LINGO1: variants seen among roughly 807,000 people sequenced by gnomAD.
LINGO1 encodes the protein leucine rich repeat and Ig domain containing 1, also known as leucine-rich repeat and immunoglobulin-like domain-containing nogo receptor-interacting protein 1.
Under a neutral mutation model 37.3 loss-of-function variants are expected in LINGO1, and 11 were observed. That is an observed-to-expected ratio of 0.29 (90% confidence interval 0.19 to 0.49). The LOEUF (loss-of-function observed/expected upper bound fraction) is 0.49. Among genes scored for constraint, LINGO1 ranks in the 20% least tolerant of loss-of-function variants. The pLI is 0.99. For missense variants in LINGO1, 585 were observed against 878.2 expected (o/e 0.67, Z 4.22); for synonymous variants, 387 against 403.0 (o/e 0.96, Z 0.48).
chr15:77,664,802 G>C (rs1286277990), intron 3 of LINGO1, among the ~76,000 whole-genome samples: 1 of 152,206 alleles, frequency 6.6e-6, no homozygotes, highest in Non-Finnish European at 1.5e-5. Context: ...AGCAAGTTCC[G>C]GAGCATCTGA....
In LINGO1 at chr15:77,614,704, A is replaced by T. The variant is rs555294379; in HGVS notation, c.1203T>A (p.Phe401Leu). 150 of 1,610,164 alleles carry T rather than the reference A, an allele frequency of 9.3e-5. 1 individual carries two copies. Among genetic ancestry groups the T allele is most frequent in the Middle Eastern group, 1.7e-4 (1 of 6,058 alleles). ...AGTCCTTGAACTCCTTGCCCTGGAC[A>T]AACTCGGGCGTGGCGCACGTGGGCT... The part of the protein sequence containing the change: ...RQQPTCATPE[F>L]VQGKEFKDFP... The change falls in exon 2 of 2, where the codon TTT becomes TTA. Residue 401 changes from phenylalanine to leucine, a missense_variant. Physicochemically the swap from Phe to Leu is conservative, Grantham distance 22 (BLOSUM62 0). Transcript: ENST00000355300.
chr15:77,663,298 G>A (rs1177284404), intron 3 of LINGO1, among the ~76,000 whole-genome samples: 1 of 151,980 alleles, frequency 6.6e-6, no homozygotes, highest in Non-Finnish European at 1.5e-5. Context: ...GGGTGGGGAG[G>A]CTTCCAGGAT....
chr15:77,809,868 T>C (rs2076989033), intron 1 of LINGO1, among the ~76,000 whole-genome samples: 1 of 152,026 alleles, frequency 6.6e-6, no homozygotes, highest in African/African-American at 2.4e-5. Flanking sequence ...CGAGGTGAGG[T>C]GGCTTCCTCT....
intron 2 of LINGO1, among the ~76,000 whole-genome samples, chr15:77,677,981 C>T (rs2075355930): frequency 6.6e-6 from 1 of 152,206 alleles, no homozygotes; most frequent in Non-Finnish European, 1.5e-5. Flanking sequence ...CCACCCTCAC[C>T]TCCCCTCCAG....
At position 77,664,170 on chromosome 15, in the gene LINGO1, T is replaced by TGTGCGCGCGCGC; in HGVS notation, c.-13+12918_-13+12919insGCGCGCGCGCAC. ...GTGTGTGTGTGTGTGTGTGTGTGTG[T>TGTGCGCGCGCGC]GCGCGCGCGCATGCGTTTGCATTCT... On this transcript the variant is annotated intron_variant, in intron 3 of 3. Coordinates refer to the LINGO1 transcript ENST00000559893. Among the ~76,000 whole-genome samples, 209 of 130,998 alleles carry TGTGCGCGCGCGC rather than the reference T, an allele frequency of 1.6e-3. 1 individual carries two copies. Among genetic ancestry groups the TGTGCGCGCGCGC allele is most frequent in the African/African-American group, 7.4e-3 (203 of 27,284 alleles). 85.9% of individuals were successfully genotyped at this position (130,998 alleles called of 152,430 possible). A position where few individuals can be genotyped will look rare whatever the true frequency, so the allele number is the denominator to read the frequency against.
chr15:77,662,803 GCA>G (rs901752148), intron 3 of LINGO1, among the ~76,000 whole-genome samples: 4 of 152,182 alleles, frequency 2.6e-5, no homozygotes, highest in Admixed American at 6.5e-5. Flanking sequence ...TCACACGCAG[GCA>G]CACACACTGC....
At chr15:77,738,994 C>T (rs142223891) in intron 1 of LINGO1, among the ~76,000 whole-genome samples, 11 of 152,262 alleles carry the variant, frequency 7.2e-5, no homozygotes, top group African/African-American at 2.4e-4. Flanking sequence ...GGCCAGCTGG[C>T]GCAGCAGCGC....
At chr15:77,816,385 T>C (rs2077048086) in intron 1 of LINGO1, among the ~76,000 whole-genome samples, 1 of 152,274 alleles carries the variant, frequency 6.6e-6, no homozygotes, top group Admixed American at 6.5e-5. Flanking sequence ...CGGAAGAAAC[T>C]CTGAGACTGG....
intron 3 of LINGO1, among the ~76,000 whole-genome samples, chr15:77,641,120 G>A (rs2074496037): frequency 6.6e-6 from 1 of 152,240 alleles, no homozygotes; most frequent in African/African-American, 2.4e-5. Flanking sequence ...TGGGCCCTGG[G>A]ATGGAGGGGA....
At chr15:77,740,845 GAGA>G (rs1456501610) in intron 1 of LINGO1, among the ~76,000 whole-genome samples, 2 of 152,230 alleles carry the variant, frequency 1.3e-5, no homozygotes, top group South Asian at 2.1e-4. Context: ...AGGCCAGGAG[GAGA>G]AGGAGAAGCT....
At chr15:77,635,828 G>A (rs1158585492), upstream of LINGO1, among the ~76,000 whole-genome samples, 1 of 150,744 alleles carries the variant, frequency 6.6e-6, no homozygotes, top group Admixed American at 6.6e-5. Flanking sequence ...TCTCATAGGT[G>A]GGCACACAGC....
intron 2 of LINGO1, among the ~76,000 whole-genome samples, chr15:77,715,879 C>T (rs1319745176): frequency 6.6e-6 from 1 of 152,204 alleles, no homozygotes; most frequent in Non-Finnish European, 1.5e-5. Flanking sequence ...GGGGGCTGGG[C>T]TCCTCTCCAC....
chr15:77,788,562 C>A (rs1340930212), upstream of LINGO1: 1 of 152,276 alleles, frequency 6.6e-6, no homozygotes, highest in Non-Finnish European at 1.5e-5. Context: ...GGCCTCGGCA[C>A]TCCTTGAGGG....
upstream of LINGO1, chr15:77,820,827 C>T (rs1382905436): frequency 4.6e-5 from 7 of 152,540 alleles, no homozygotes; most frequent in Admixed American, 4.6e-4. Context: ...CAATCCTTGC[C>T]ACCCCGGACA....
At chr15:77,777,839 C>T (rs1346839234) in intron 1 of LINGO1, among the ~76,000 whole-genome samples, 1 of 152,012 alleles carries the variant, frequency 6.6e-6, no homozygotes, top group Admixed American at 6.6e-5. Flanking sequence ...GAGAGGATCA[C>T]TTGAGCCAGC....
chr15:77,752,672 A>G (rs1862060121), intron 1 of LINGO1, among the ~76,000 whole-genome samples: 1 of 152,172 alleles, frequency 6.6e-6, no homozygotes, highest in African/African-American at 2.4e-5. Context: ...AAGGAGAGGT[A>G]GGGGCTCGGA....
At chr15:77,700,212 C>T (rs1315823630), upstream of LINGO1, among the ~76,000 whole-genome samples, 1 of 152,314 alleles carries the variant, frequency 6.6e-6, no homozygotes, top group East Asian at 1.9e-4. Flanking sequence ...GAGCTCCTCC[C>T]CCCAACACAC....
At chr15:77,819,414 G>C (rs978879488) in intron 1 of LINGO1, 1 of 151,570 alleles carries the variant, frequency 6.6e-6, no homozygotes, top group African/African-American at 2.4e-5. Context: ...GCGCGGCAGG[G>C]AGGGCGTGTG....
intron 1 of LINGO1, among the ~76,000 whole-genome samples, chr15:77,762,078 A>G (rs951120545): frequency 6.6e-6 from 1 of 152,214 alleles, no homozygotes; most frequent in African/African-American, 2.4e-5. Context: ...TCACCCTGGC[A>G]GGTTTGGCTG....
Sources: allele counts gnomAD v4.1 joint callset (sites outside exome capture counted in the v4.1 genomes callset), GRCh38; gene constraint gnomAD v4.1.1; transcripts MANE v1.5; gene names NCBI Gene and HGNC (gene_info 2026-07-23, HGNC 2026-07-21).